RPS6KA2: variants seen among roughly 807,000 people sequenced by gnomAD.
RPS6KA2 encodes ribosomal protein S6 kinase alpha-2.
Under a neutral mutation model 91.8 loss-of-function variants are expected in RPS6KA2, and 42 were observed. The observed-to-expected ratio is 0.46, with a 90% CI of 0.36 to 0.59. The LOEUF (loss-of-function observed/expected upper bound fraction) is 0.59, where lower values mean the gene tolerates loss of function less well. Among genes scored for constraint, RPS6KA2 ranks in the 20% least tolerant of loss-of-function variants. The pLI is 0.00. For missense variants in RPS6KA2, 798 were observed against 978.5 expected (o/e 0.82, Z 2.46); for synonymous variants, 414 against 393.6 (o/e 1.05, Z -0.61).
intron 2 of RPS6KA2, among the ~76,000 whole-genome samples, chr6:166,669,989 C>A (rs9347145): frequency 0.18 from 27,082 of 152,252 alleles, 2,429 homozygotes; most frequent in South Asian, 0.23. Context: ...GCTCCTCCCT[C>A]TTGCAGGTTC....
chr6:166,425,509 T>C (rs1460050898), intron 16 of RPS6KA2, among the ~76,000 whole-genome samples: 6 of 152,220 alleles, frequency 3.9e-5, no homozygotes, highest in South Asian at 2.1e-4. Context: ...GACTGGCAAA[T>C]TGGATAGAGT....
chr6:166,600,030 CAG>C (rs1562333509), intron 1 of RPS6KA2, among the ~76,000 whole-genome samples: 1 of 152,006 alleles, frequency 6.6e-6, no homozygotes, highest in Non-Finnish European at 1.5e-5. Flanking sequence ...TGTTTTGAGA[CAG>C]AGTCTTGCTC....
At chr6:166,456,859 G>A (rs996641189) in intron 12 of RPS6KA2, among the ~76,000 whole-genome samples, 1 of 152,130 alleles carries the variant, frequency 6.6e-6, no homozygotes. Context: ...AAACACTAAG[G>A]AATAAAAAAG....
chr6:166,810,512 C>T (rs756576557), intron 2 of RPS6KA2, among the ~76,000 whole-genome samples: 1 of 152,122 alleles, frequency 6.6e-6, no homozygotes, highest in Non-Finnish European at 1.5e-5. Flanking sequence ...CTAACTCAAT[C>T]CTATGCACTT....
chr6:166,717,154 T>C (rs1333314428), intron 2 of RPS6KA2, among the ~76,000 whole-genome samples: 2 of 152,158 alleles, frequency 1.3e-5, no homozygotes, highest in Non-Finnish European at 2.9e-5. Flanking sequence ...TGTGGGCAAC[T>C]AGCAGGTAAG....
At chr6:166,454,606 G>A (rs1188988301) in intron 12 of RPS6KA2, among the ~76,000 whole-genome samples, 1 of 152,074 alleles carries the variant, frequency 6.6e-6, no homozygotes. Flanking sequence ...AGAAAAAGGA[G>A]ACACTAAATA....
chr6:166,574,841 T>TA (rs985637110), intron 1 of RPS6KA2, among the ~76,000 whole-genome samples: 1 of 152,192 alleles, frequency 6.6e-6, no homozygotes, highest in Admixed American at 6.5e-5. Flanking sequence ...TCTGAAGCAG[T>TA]AAAATATCTG....
chr6:166,750,844 T>A (rs1791259019), intron 2 of RPS6KA2, among the ~76,000 whole-genome samples: 1 of 152,184 alleles, frequency 6.6e-6, no homozygotes, highest in Non-Finnish European at 1.5e-5. Context: ...AAATCCAAGC[T>A]CTGCTCCTTG....
chr6:166,498,974 G>A (rs189330744), intron 7 of RPS6KA2, among the ~76,000 whole-genome samples: 91 of 152,328 alleles, frequency 6.0e-4, no homozygotes, highest in African/African-American at 2.0e-3. Flanking sequence ...CCACAGGCAC[G>A]TGGAGGTGGG....
chr6:166,429,463 A>T (rs1045616086), intron 16 of RPS6KA2, among the ~76,000 whole-genome samples: 6 of 152,148 alleles, frequency 3.9e-5, no homozygotes, highest in South Asian at 2.1e-4. Flanking sequence ...AAAAATTTTT[A>T]AATTTGAGAC....
chr6:166,532,360 G>C (rs1277163916), intron 2 of RPS6KA2, among the ~76,000 whole-genome samples: 1 of 152,202 alleles, frequency 6.6e-6, no homozygotes, highest in Non-Finnish European at 1.5e-5. Flanking sequence ...CCGAGTGCAG[G>C]GGCTCTAGGA....
At chr6:166,708,777 A>G (rs903862445) in intron 2 of RPS6KA2, among the ~76,000 whole-genome samples, 4 of 152,376 alleles carry the variant, frequency 2.6e-5, no homozygotes, top group South Asian at 4.1e-4. Flanking sequence ...TCCTTCTCAT[A>G]CAATTGAACT....
intron 2 of RPS6KA2, among the ~76,000 whole-genome samples, chr6:166,664,724 A>G (rs1788267269): frequency 6.6e-6 from 1 of 152,254 alleles, no homozygotes; most frequent in Non-Finnish European, 1.5e-5. Context: ...TATACATTAT[A>G]TATTAAGAAC....
chr6:166,783,875 G>A lies in RPS6KA2; in HGVS notation c.123+74325C>T, dbSNP rs75518491. Among the ~76,000 whole-genome samples the A allele has an allele frequency of 7.7e-5, 5 of 64,950 alleles. No individual in the cohort carries two copies. The South Asian group carries it at 1.6e-3, about 21-fold the overall frequency. 42.6% of individuals were successfully genotyped at this position (64,950 alleles called of 152,430 possible). ...CACATATGCACACGTGCACACCTAC[G>A]CATCACCACATATGCACACGTGCAC... On this transcript the variant is annotated intron_variant, in intron 2 of 21. Transcript: ENST00000503859.
At chr6:166,806,966 G>C (rs1337214790) in intron 2 of RPS6KA2, among the ~76,000 whole-genome samples, 1 of 152,114 alleles carries the variant, frequency 6.6e-6, no homozygotes, top group Non-Finnish European at 1.5e-5. Flanking sequence ...ATTTTATAAT[G>C]TTAAATTTAG....
At chr6:166,795,114 C>T (rs1312225658) in intron 2 of RPS6KA2, among the ~76,000 whole-genome samples, 1 of 152,026 alleles carries the variant, frequency 6.6e-6, no homozygotes, top group East Asian at 1.9e-4. Flanking sequence ...TTGTAATATA[C>T]TGTATTCCTT....
intron 2 of RPS6KA2, among the ~76,000 whole-genome samples, chr6:166,742,369 G>A (rs1356400849): frequency 1.3e-5 from 2 of 152,188 alleles, no homozygotes; most frequent in Non-Finnish European, 2.9e-5. Context: ...GGGAACCCTT[G>A]GTGTGGTATC....
At chr6:166,693,744 G>C (rs1023292981) in intron 2 of RPS6KA2, among the ~76,000 whole-genome samples, 5 of 152,150 alleles carry the variant, frequency 3.3e-5, no homozygotes, top group African/African-American at 1.2e-4. Context: ...CTAGGTTTTT[G>C]TCCTGGGCTT....
At position 166,564,361 on chromosome 6, in the gene RPS6KA2, T is replaced by A. The variant is rs1784430044; in HGVS notation, c.100-25577A>T. Among the ~76,000 whole-genome samples, 3 of 152,090 alleles carry A rather than the reference T, an allele frequency of 2.0e-5. No homozygotes were observed. The South Asian group carries it at 6.2e-4, about 32-fold the overall frequency. On this transcript the variant is annotated intron_variant, in intron 1 of 20. Coordinates refer to ENST00000265678, the MANE Select transcript of RPS6KA2 (RefSeq NM_021135.6). ...GTGTCAGTCGGACACTGGAGGGGCC[T>A]CCCTCTCCCCACCAGTCTCTGGGGC... is the stretch of plus-strand genomic sequence containing the variant.
Sources: allele counts gnomAD v4.1 joint callset (sites outside exome capture counted in the v4.1 genomes callset), GRCh38; gene constraint gnomAD v4.1.1; transcripts MANE v1.5; gene names NCBI Gene and HGNC (gene_info 2026-07-23, HGNC 2026-07-21).